Variants in CACNA1G observed in about 807,000 individuals in gnomAD.
CACNA1G encodes the protein voltage-dependent T-type calcium channel subunit alpha-1G.
CACNA1G carries 67 observed loss-of-function variants against 219.4 expected under a neutral mutation model. That is an observed-to-expected ratio of 0.31 (90% CI 0.25 to 0.37). CACNA1G has a LOEUF of 0.37. Among genes scored for constraint, CACNA1G ranks in the 10% least tolerant of loss-of-function variants. The probability of loss-of-function intolerance (pLI) is 1.00; values close to 1 mark genes in which losing one functional copy is unlikely to be tolerated. For missense variants in CACNA1G, 2,380 were observed against 3,231.4 expected (o/e 0.74, Z 6.39); for synonymous variants, 1,296 against 1,345.3 (o/e 0.96, Z 0.80).
intron 24 of CACNA1G, 122 bp downstream of exon 24, chr17:50,607,111 C>CCTCTGCTGTAAA: frequency 1.3e-6 from 1 of 790,464 alleles, no homozygotes; most frequent in Non-Finnish European, 2.2e-6. Flanking sequence ...TATTTTACAG[C>CCTCTGCTGTAAA]AGAGGCTGTT....
chr17:50,577,187 G>A (rs1033400793), intron 8 of CACNA1G, among the ~76,000 whole-genome samples: 1 of 152,066 alleles, frequency 6.6e-6, no homozygotes, highest in Non-Finnish European at 1.5e-5. Context: ...ATGCACCCAC[G>A]TTTTTATTTC....
chr17:50,598,903 T>C (rs777981315), intron 16 of CACNA1G, among the ~76,000 whole-genome samples: 6 of 152,216 alleles, frequency 3.9e-5, no homozygotes, highest in Non-Finnish European at 8.8e-5. Context: ...ATTTTTTTTA[T>C]TTTTAGTAGA....
chr17:50,594,863 T>G, intron 13 of CACNA1G, 130 bp from the exon 14 acceptor site: 1 of 626,548 alleles, frequency 1.6e-6, no homozygotes, highest in Non-Finnish European at 2.9e-6. Flanking sequence ...CCATTCCCCG[T>G]GTCTCTCAGT....
At position 50,610,186 on chromosome 17, in the gene CACNA1G, C is replaced by T. The variant is rs113657748; in HGVS notation, c.4759+251C>T. Among the ~76,000 whole-genome samples the T allele has an allele frequency of 8.5e-5, 13 of 152,320 alleles. No individual in the cohort carries two copies. The East Asian group carries it at 2.1e-3, about 25-fold the overall frequency. On this transcript the variant is annotated intron_variant, in intron 26 of 37. Transcript: ENST00000359106. ...CCTTCCCAGCAAGGGCTTCCTTGGC[C>T]GGCCAAGCTCCCCACCTCCTGCCAC...
rs2146269940 is a variant in CACNA1G at position 50,617,735 on chromosome 17, A to G, written c.5156-124A>G. 1 of 1,420,672 alleles carries G rather than the reference A, an allele frequency of 7.0e-7. No individual in the cohort carries two copies. The highest frequency in any genetic ancestry group is 9.7e-7 in the Non-Finnish European group (1 of 1,032,902). 88.0% of individuals were successfully genotyped at this position (1,420,672 alleles called of 1,614,324 possible). Reference sequence around the variant, plus strand: ...GCTGGAGACAGGGCTGAGGATGGGGATGCAACCTGGCTGGCCCGGAGATGG... The same window carrying G: ...GCTGGAGACAGGGCTGAGGATGGGGGTGCAACCTGGCTGGCCCGGAGATGG... On this transcript the variant is annotated intron_variant, in intron 29 of 37. Coordinates refer to ENST00000359106, the MANE Select transcript of CACNA1G (RefSeq NM_018896.5). This position sits in a 1 kb window ranked among gnomAD's most constrained non-coding sequence, Gnocchi z 5.8.
At chr17:50,602,721 C>A in intron 19 of CACNA1G, 99 bp from the exon 20 acceptor site, 1 of 1,059,064 alleles carries the variant, frequency 9.4e-7, no homozygotes, top group Middle Eastern at 2.8e-4. Context: ...TTTTCTGAGT[C>A]AAATGTTAGA....
chr17:50,604,358 C>T, intron 22 of CACNA1G, 77 bp downstream of exon 22: 1 of 1,531,162 alleles, frequency 6.5e-7, no homozygotes, highest in Non-Finnish European at 8.9e-7. Flanking sequence ...GGTCCTATGG[C>T]TCAAGCTGCT....
intron 19 of CACNA1G, among the ~76,000 whole-genome samples, chr17:50,601,857 G>A (rs2046733143): frequency 6.6e-6 from 1 of 152,170 alleles, no homozygotes; most frequent in Admixed American, 6.5e-5. Flanking sequence ...TGCACCACTT[G>A]CTTAGAGGTG....
In CACNA1G at chr17:50,600,722, G is replaced by A; in HGVS notation, c.3691-4G>A. 1 of 1,613,544 alleles carries A rather than the reference G, an allele frequency of 6.2e-7. No individual in the cohort carries two copies. Among genetic ancestry groups the A allele is most frequent in the Non-Finnish European group, 8.5e-7 (1 of 1,179,592 alleles). On this transcript the variant is annotated splice_polypyrimidine_tract_variant and splice_region_variant and intron_variant, in intron 17 of 37. Coordinates refer to ENST00000359106, the MANE Select transcript of CACNA1G (RefSeq NM_018896.5). This position sits in a 1 kb window ranked among gnomAD's most constrained non-coding sequence, Gnocchi z 4.1. ...CTGCTCATACTCCAGTGTTTGTTCT[G>A]CAGAGCAAAGGGGAACGGGTCCGCG... is the stretch of plus-strand genomic sequence containing the variant.
Position 50,560,911 on chromosome 17 carries a change from G to A in CACNA1G, c.-549G>A, listed in dbSNP as rs562233946. On this transcript the variant is annotated 5_prime_UTR_variant, in exon 1 of 38. Transcript: ENST00000359106. ...CTCCCGGACAGTGAGCCCGCGGCGG[G>A]GCGGGGGAAGGAGCCGCCCCCACCC... Among the ~76,000 whole-genome samples the A allele has an allele frequency of 1.3e-5, 2 of 151,748 alleles. No homozygotes were observed. Among genetic ancestry groups the A allele is most frequent in the Non-Finnish European group, 2.9e-5 (2 of 67,814 alleles).
At position 50,627,355 on chromosome 17, in the gene CACNA1G, AAAAG is replaced by A; in HGVS notation, c.*608_*611del. On this transcript the variant is annotated 3_prime_UTR_variant, in exon 38 of 38. Coordinates refer to ENST00000359106, the MANE Select transcript of CACNA1G (RefSeq NM_018896.5). Reference sequence around the variant, plus strand: ...GTCATCATTTTCTGTAGGGAAAAAAAAAAGAAAAAGAAAAAATGAGATTTTACAA... The same window carrying A: ...GTCATCATTTTCTGTAGGGAAAAAAAAAAAAGAAAAAATGAGATTTTACAA... 1 of 398,604 alleles carries A rather than the reference AAAAG, an allele frequency of 2.5e-6. No individual in the cohort carries two copies. Among genetic ancestry groups the A allele is most frequent in the South Asian group, 1.8e-5 (1 of 54,964 alleles). The allele number at this position is 398,604 out of a possible 1,614,324, so 24.7% of individuals were successfully genotyped here.
intron 36 of CACNA1G, 36 bp from the exon 37 acceptor site, chr17:50,624,324 T>TCCCCCCCCCCCCCCCCCCCCGG: frequency 3.4e-6 from 4 of 1,177,656 alleles, no homozygotes; most frequent in Non-Finnish European, 3.7e-6. Context: ...CTCCATTCTC[T>TCCCCCCCCCCCCCCCCCCCCGG]CCCCCCACCC....
chr17:50,611,334 G>A (rs2049166103), intron 26 of CACNA1G, among the ~76,000 whole-genome samples: 1 of 151,792 alleles, frequency 6.6e-6, no homozygotes, highest in Admixed American at 6.6e-5. Flanking sequence ...ACTTCAGTCT[G>A]GGAACCACCG....
intron 8 of CACNA1G, 62 bp downstream of exon 8, chr17:50,576,388 G>A: frequency 1.4e-6 from 2 of 1,467,040 alleles, no homozygotes; most frequent in Admixed American, 3.9e-5. Context: ...GCGTCCCAGA[G>A]GGGACTAGGG....
chr17:50,621,927 A>G lies in CACNA1G; in HGVS notation c.6060+133A>G. On this transcript the variant is annotated intron_variant, in intron 35 of 37. Coordinates refer to ENST00000359106, the MANE Select transcript of CACNA1G (RefSeq NM_018896.5). The surrounding 1 kb of genome is among the most constrained non-coding windows in gnomAD (Gnocchi z 4.6). ...CTGCCAGGCTCCACCCAGAGGCATC[A>G]ACTGTCAGGACCTCGGTGGCCCACG... The G allele has an allele frequency of 1.1e-6, 1 of 946,444 alleles. No homozygotes were observed. Among genetic ancestry groups the G allele is most frequent in the Non-Finnish European group, 1.6e-6 (1 of 631,338 alleles). The allele number at this position is 946,444 out of a possible 1,614,324, so 58.6% of individuals were successfully genotyped here. A position where few individuals can be genotyped will look rare whatever the true frequency, so the allele number is the denominator to read the frequency against.
Position 50,599,832 on chromosome 17 carries a change from G to A in CACNA1G, c.3663G>A (p.Gly1221=). 1 of 1,609,660 alleles carries A rather than the reference G, an allele frequency of 6.2e-7. No individual in the cohort carries two copies. The highest frequency in any genetic ancestry group is 8.5e-7 in the Non-Finnish European group (1 of 1,179,552). The change falls in exon 17 of 38, where the codon GGG becomes GGA. Residue 1221 remains glycine (G), a synonymous_variant. Transcript: ENST00000359106. Reference sequence around the variant, plus strand: ...GGCCTGATGACCCCCCACTGGATGGGGATGACGCCGATGACGAGGGCAACC... The same window carrying A: ...GGCCTGATGACCCCCCACTGGATGGAGATGACGCCGATGACGAGGGCAACC... The part of the protein sequence containing the change: ...ALRPDDPPLD[G]DDADDEGNLS...
chr17:50,603,686 A>C lies in CACNA1G; in HGVS notation c.4170-469A>C. Reference sequence around the variant, plus strand: ...TCCACCCTCTCAGGAATCCCTTTCCAATCAGCCAGTCACCACCCCCAACTC... The same window carrying C: ...TCCACCCTCTCAGGAATCCCTTTCCCATCAGCCAGTCACCACCCCCAACTC... On this transcript the variant is annotated intron_variant, in intron 21 of 37. Transcript: ENST00000359106. This position sits in a 1 kb window ranked among gnomAD's most constrained non-coding sequence, Gnocchi z 6.4. Among the ~76,000 whole-genome samples the C allele has an allele frequency of 7.0e-6, 1 of 142,540 alleles. No homozygotes were observed. Among genetic ancestry groups the C allele is most frequent in the Admixed American group, 7.1e-5 (1 of 14,160 alleles). The allele number at this position is 142,540 out of a possible 152,430, so 93.5% of individuals were successfully genotyped here.
Position 50,609,901 on chromosome 17 carries a change from A to G in CACNA1G, c.4725A>G (p.Val1575=), listed in dbSNP as rs61586135. ...TTTTAGATCTAATGCTGGACGATGTAATTGCTTCCGGCAGCTCAGCCAGCG... is the reference window on the plus strand; with the variant it reads ...TTTTAGATCTAATGCTGGACGATGTGATTGCTTCCGGCAGCTCAGCCAGCG... ...KKRRNLMLDD[V]IASGSSASAA... Residue 1575 remains valine (V), a synonymous_variant, in exon 26 of 38, where the codon GTA becomes GTG. Coordinates refer to ENST00000359106, the MANE Select transcript of CACNA1G (RefSeq NM_018896.5). 2.5e-6 allele frequency: 4 copies of G among 1,611,506 alleles called. No individual in the cohort carries two copies. The highest frequency in any genetic ancestry group is 3.3e-5 in the Admixed American group (2 of 60,004).
intron 14 of CACNA1G, among the ~76,000 whole-genome samples, chr17:50,595,512 G>A (rs992773220): frequency 4.6e-5 from 7 of 151,374 alleles, no homozygotes; most frequent in East Asian, 2.0e-4. Flanking sequence ...TGGAGACCCC[G>A]CAAGCTGTCT....
Sources: gnomAD v4.1 joint callset for allele counts (sites outside exome capture counted in the v4.1 genomes callset) on GRCh38, gnomAD v4.1.1 for gene constraint, Gnocchi (gnomAD v3.1) non-coding constraint, MANE v1.5 for transcripts, NCBI Gene and HGNC (gene_info 2026-07-23, HGNC 2026-07-21) for gene names.